TGFBR3: variants seen among roughly 807,000 people sequenced by gnomAD.
TGFBR3 encodes transforming growth factor beta receptor type 3.
In TGFBR3, 46 loss-of-function variants were observed where a neutral mutation model predicts 87.9. The ratio of observed to expected loss-of-function variants is 0.52; its 90% CI spans 0.41 to 0.67. The LOEUF is 0.67. Ranked by LOEUF, TGFBR3 falls within the 30% of genes least tolerant of loss-of-function variation. TGFBR3 has a pLI of 0.00. For synonymous variants in TGFBR3, 381 were observed against 391.6 expected (o/e 0.97, Z 0.32); for missense variants, 866 against 1,041.9 (o/e 0.83, Z 2.32).
intron 3 of TGFBR3, among the ~76,000 whole-genome samples, chr1:91,779,277 C>T (rs1674682118): frequency 6.6e-6 from 1 of 152,170 alleles, no homozygotes; most frequent in Admixed American, 6.5e-5. Flanking sequence ...GATGATATTC[C>T]ACGCACTGTT....
chr1:91,735,219 G>A (rs1672923254), intron 4 of TGFBR3, among the ~76,000 whole-genome samples: 1 of 152,170 alleles, frequency 6.6e-6, no homozygotes, highest in African/African-American at 2.4e-5. Context: ...TGCACATTGA[G>A]TAATCGTAAG....
At chr1:91,817,797 G>A (rs6604058) in intron 2 of TGFBR3, among the ~76,000 whole-genome samples, 8 of 151,736 alleles carry the variant, frequency 5.3e-5, no homozygotes, top group African/African-American at 1.9e-4. Context: ...CCTTGACTTG[G>A]TGCGCTATGA....
intron 2 of TGFBR3, among the ~76,000 whole-genome samples, chr1:91,856,222 G>C (rs554644741): frequency 1.3e-5 from 2 of 152,150 alleles, no homozygotes; most frequent in East Asian, 1.9e-4. Context: ...GCCACCGCGC[G>C]TGGCTAATTT....
intron 16 of TGFBR3, among the ~76,000 whole-genome samples, chr1:91,693,251 T>TA (rs1292716004): frequency 1.3e-5 from 2 of 152,224 alleles, no homozygotes; most frequent in African/African-American, 2.4e-5. Context: ...AGCTGTCTCA[T>TA]AAGTCATGCC....
At chr1:91,729,232 G>A (rs1672671553) in intron 6 of TGFBR3, among the ~76,000 whole-genome samples, 1 of 135,418 alleles carries the variant, frequency 7.4e-6, no homozygotes, top group African/African-American at 2.8e-5. Flanking sequence ...CTATCGAATG[G>A]CTCTTTGGTA....
intron 3 of TGFBR3, among the ~76,000 whole-genome samples, chr1:91,770,043 C>T (rs1369089687): frequency 6.6e-6 from 1 of 152,182 alleles, no homozygotes; most frequent in Non-Finnish European, 1.5e-5. Context: ...AGATGCGCAT[C>T]AAGTGCCAAA....
chr1:91,850,366 G>C (rs569574759), intron 2 of TGFBR3, among the ~76,000 whole-genome samples: 17 of 152,344 alleles, frequency 1.1e-4, no homozygotes, highest in African/African-American at 4.1e-4. Flanking sequence ...TCACCATGTA[G>C]TATTATAACT....
rs184226767 is a variant in TGFBR3, at chr1:91,864,953, A to C, written c.-113-3309T>G. 2.6e-5 allele frequency among the ~76,000 whole-genome samples: 4 copies of C among 152,300 alleles called. No homozygotes were observed. In the East Asian group the frequency reaches 5.8e-4, roughly 22 times the overall value. On this transcript the variant is annotated intron_variant, in intron 1 of 16. Transcript: ENST00000212355. ...CACAGTGGCTCATGCCTGTAATCCC[A>C]GCACTTTGGGAGGCCGAGCTGGGCA...
intron 16 of TGFBR3, among the ~76,000 whole-genome samples, chr1:91,693,275 C>A (rs1399678130): frequency 1.3e-5 from 2 of 152,156 alleles, no homozygotes; most frequent in East Asian, 3.8e-4. Flanking sequence ...GGATTTTAAG[C>A]CCAAATGACA....
intron 3 of TGFBR3, among the ~76,000 whole-genome samples, chr1:91,787,666 G>A (rs574934904): frequency 6.6e-6 from 1 of 152,250 alleles, no homozygotes; most frequent in South Asian, 2.1e-4. Flanking sequence ...GAAAGCCAAG[G>A]GCTATGCCTC....
chr1:91,731,616 C>T (rs997186823), intron 5 of TGFBR3, among the ~76,000 whole-genome samples: 1 of 152,116 alleles, frequency 6.6e-6, no homozygotes, highest in Non-Finnish European at 1.5e-5. Flanking sequence ...GATATTGGAA[C>T]GGCAAGGTTG....
intron 2 of TGFBR3, among the ~76,000 whole-genome samples, chr1:91,819,947 T>G (rs1180277689): frequency 6.6e-6 from 1 of 152,232 alleles, no homozygotes; most frequent in African/African-American, 2.4e-5. Flanking sequence ...GCTGTGTCAC[T>G]TTATGCAAGC....
intron 2 of TGFBR3, among the ~76,000 whole-genome samples, chr1:91,833,852 A>G (rs1213784788): frequency 6.6e-6 from 1 of 152,136 alleles, no homozygotes; most frequent in Non-Finnish European, 1.5e-5. Context: ...TGACCTAAAT[A>G]TATGTCCTAA....
At chr1:91,792,903 C>T (rs1675245930) in intron 3 of TGFBR3, among the ~76,000 whole-genome samples, 1 of 152,180 alleles carries the variant, frequency 6.6e-6, no homozygotes, top group Non-Finnish European at 1.5e-5. Flanking sequence ...TTCCAGTTTC[C>T]TGTTCGCTTC....
In TGFBR3 at chr1:91,681,146, A is replaced by G; in HGVS notation, c.*2593T>C. On this transcript the variant is annotated 3_prime_UTR_variant, in exon 17 of 17. Transcript: ENST00000212355. ...CAACAATACTTTTAAAGAAACTTGTAGTACACGTTATAAAAGTAGAGCTTG... is the reference window on the plus strand; with the variant it reads ...CAACAATACTTTTAAAGAAACTTGTGGTACACGTTATAAAAGTAGAGCTTG... 2.2e-6 allele frequency: 1 copy of G among 454,156 alleles called. No homozygotes were observed. The highest frequency in any genetic ancestry group is 4.4e-6 in the Non-Finnish European group (1 of 226,802). 28.1% of individuals were successfully genotyped at this position (454,156 alleles called of 1,614,324 possible).
chr1:91,786,238 A>G, intron 3 of TGFBR3: 1 of 456,272 alleles, frequency 2.2e-6, no homozygotes, highest in South Asian at 1.5e-5. Context: ...CTGTGAATGA[A>G]TAAACAAATT....
chr1:91,810,576 T>C (rs1239032713), intron 2 of TGFBR3, among the ~76,000 whole-genome samples: 1 of 152,226 alleles, frequency 6.6e-6, no homozygotes, highest in Non-Finnish European at 1.5e-5. Context: ...GTGCCTGGCA[T>C]GCGGCACGTG....
chr1:91,888,289 G>A (rs561799767), upstream of TGFBR3, among the ~76,000 whole-genome samples: 2 of 152,236 alleles, frequency 1.3e-5, no homozygotes, highest in Admixed American at 6.5e-5. Context: ...GCCCAGTCTC[G>A]GGTATGTCTT....
chr1:91,735,425 C>A (rs72965095), intron 4 of TGFBR3, among the ~76,000 whole-genome samples: 31 of 152,330 alleles, frequency 2.0e-4, no homozygotes, highest in Middle Eastern at 6.8e-3. Flanking sequence ...CATCTGCCAA[C>A]AGAGTCATCA....
Sources: gnomAD v4.1 joint callset for allele counts (sites outside exome capture counted in the v4.1 genomes callset) on GRCh38, gnomAD v4.1.1 for gene constraint, MANE v1.5 for transcripts, NCBI Gene and HGNC (gene_info 2026-07-23, HGNC 2026-07-21) for gene names.